LEPR: variants seen among roughly 807,000 people sequenced by gnomAD.
The protein encoded by LEPR is OB receptor.
A neutral mutation model predicts 114.7 loss-of-function variants in LEPR; 56 were observed. The observed-to-expected ratio is 0.49, with a 90% CI of 0.39 to 0.61. The LOEUF (loss-of-function observed/expected upper bound fraction) is 0.61, where lower values mean the gene tolerates loss of function less well. Among genes scored for constraint, LEPR ranks in the 20% least tolerant of loss-of-function variants. The pLI is 0.00. For synonymous variants in LEPR, 443 were observed against 461.4 expected, an observed-to-expected ratio of 0.96 and a Z score of 0.51; for missense variants, 1,202 against 1,352.9, an observed-to-expected ratio of 0.89 and a Z score of 1.75.
intron 2 of LEPR, among the ~76,000 whole-genome samples, chr1:65,476,874 G>A (rs1296505297): frequency 6.6e-6 from 1 of 152,204 alleles, no homozygotes; most frequent in Non-Finnish European, 1.5e-5. Context: ...AATGTAAGGT[G>A]CGAAGAAAAC....
intron 2 of LEPR, among the ~76,000 whole-genome samples, chr1:65,448,852 C>A (rs1366704259): frequency 6.6e-6 from 1 of 152,046 alleles, no homozygotes; most frequent in Non-Finnish European, 1.5e-5. Context: ...CGTTAGTGTC[C>A]GTGGGATCTG....
chr1:65,568,524 G>A lies in LEPR; in HGVS notation c.41-1949G>A, dbSNP rs1194905482. Among the ~76,000 whole-genome samples, 20 of 150,770 alleles carry A rather than the reference G, an allele frequency of 1.3e-4. No individual in the cohort carries two copies. In the Admixed American group the frequency reaches 1.3e-3, roughly 10 times the overall value. On this transcript the variant is annotated intron_variant, in intron 3 of 19. Coordinates refer to ENST00000349533, the MANE Select transcript of LEPR (RefSeq NM_002303.6). Reference sequence around the variant, plus strand: ...TGAGTGTGTGTGTGTGTGTGTGTGTGTGCATGTGCATGTGTGTGAATATGC... The same window carrying A: ...TGAGTGTGTGTGTGTGTGTGTGTGTATGCATGTGCATGTGTGTGAATATGC...
At chr1:65,590,610 G>GAT (rs34277936) in intron 5 of LEPR, among the ~76,000 whole-genome samples, 76,026 of 151,410 alleles carry the variant, frequency 0.5, 19,870 homozygotes, top group East Asian at 0.87. Context: ...CTTCCACCAT[G>GAT]ATTCTAAGTT....
At chr1:65,547,018 G>C (rs201407291) in intron 2 of LEPR, among the ~76,000 whole-genome samples, 32 of 151,776 alleles carry the variant, frequency 2.1e-4, no homozygotes, top group Non-Finnish European at 3.5e-4. Context: ...TAGCATGAAG[G>C]GTTGTTGAAT....
intron 2 of LEPR, among the ~76,000 whole-genome samples, chr1:65,485,263 A>C (rs1336185615): frequency 6.6e-6 from 1 of 152,192 alleles, no homozygotes; most frequent in Non-Finnish European, 1.5e-5. Context: ...CACGTTCATA[A>C]TTATGTTAAT....
At chr1:65,594,097 A>T (rs927781419) in intron 6 of LEPR, among the ~76,000 whole-genome samples, 2 of 152,074 alleles carry the variant, frequency 1.3e-5, no homozygotes, top group African/African-American at 4.8e-5. Flanking sequence ...CCATGAAAAA[A>T]ATAAAACTGG....
chr1:65,618,195 C>T, intron 16 of LEPR, 49 bp downstream of exon 16: 2 of 1,518,122 alleles, frequency 1.3e-6, no homozygotes, highest in Non-Finnish European at 9.0e-7. Flanking sequence ...TAATATGACA[C>T]TACAGATTAT....
intron 14 of LEPR, among the ~76,000 whole-genome samples, chr1:65,610,687 G>A (rs996425381): frequency 3.3e-5 from 5 of 152,084 alleles, no homozygotes; most frequent in Non-Finnish European, 7.4e-5. Flanking sequence ...CACACCCCAA[G>A]GGCATCTAAC....
chr1:65,497,570 T>C (rs1648229764), intron 2 of LEPR, among the ~76,000 whole-genome samples: 1 of 152,134 alleles, frequency 6.6e-6, no homozygotes, highest in Non-Finnish European at 1.5e-5. Context: ...GCAGGCTACC[T>C]CATCCCTTTG....
intron 2 of LEPR, among the ~76,000 whole-genome samples, chr1:65,541,852 A>C (rs999547116): frequency 6.6e-6 from 1 of 152,228 alleles, no homozygotes; most frequent in African/African-American, 2.4e-5. Context: ...TTTCTTACTC[A>C]TAAACTTTCC....
intron 2 of LEPR, among the ~76,000 whole-genome samples, chr1:65,548,422 A>G (rs1185080061): frequency 2.0e-5 from 3 of 152,070 alleles, no homozygotes; most frequent in African/African-American, 7.2e-5. Flanking sequence ...AAAGTCTCCC[A>G]TTATTATTGT....
intron 2 of LEPR, among the ~76,000 whole-genome samples, chr1:65,453,079 A>G (rs1401927135): frequency 6.6e-6 from 1 of 152,174 alleles, no homozygotes; most frequent in East Asian, 1.9e-4. Context: ...AGGTGTTTGT[A>G]GTATTCTCTG....
intron 5 of LEPR, among the ~76,000 whole-genome samples, chr1:65,592,369 T>G (rs1655761595): frequency 6.6e-6 from 1 of 151,864 alleles, no homozygotes; most frequent in Non-Finnish European, 1.5e-5. Flanking sequence ...ATTTCATCAT[T>G]ATTTTGAAAG....
chr1:65,469,746 G>A (rs1647059333), intron 2 of LEPR, among the ~76,000 whole-genome samples: 1 of 152,160 alleles, frequency 6.6e-6, no homozygotes, highest in Admixed American at 6.5e-5. Flanking sequence ...TTCCAGCTGG[G>A]CTAGGCTGGC....
intron 2 of LEPR, among the ~76,000 whole-genome samples, chr1:65,445,162 C>A (rs1192047273): frequency 6.6e-6 from 1 of 152,056 alleles, no homozygotes. Context: ...TACAGTTTAC[C>A]TTATCTATGG....
Position 65,633,855 on chromosome 1 carries a change from A to C in LEPR, c.2674-2336A>C. The C allele has an allele frequency of 1.0e-6, 1 of 985,250 alleles. No individual in the cohort carries two copies. The highest frequency in any genetic ancestry group is 1.7e-5 in the African/African-American group (1 of 57,364). 61.0% of individuals were successfully genotyped at this position (985,250 alleles called of 1,614,324 possible). A position where few individuals can be genotyped will look rare whatever the true frequency, so the allele number is the denominator to read the frequency against. ...CCGAAGTTGTGTTTGTGCTGCCCAC[A>C]GGACAGTGGGAGTTACAGTTCATAT... On this transcript the variant is annotated intron_variant, in intron 19 of 19. Coordinates refer to ENST00000349533, the MANE Select transcript of LEPR (RefSeq NM_002303.6). This position sits in a 1 kb window ranked among gnomAD's most constrained non-coding sequence, Gnocchi z 4.1.
intron 2 of LEPR, among the ~76,000 whole-genome samples, chr1:65,539,658 C>T (rs1651042079): frequency 6.6e-6 from 1 of 152,126 alleles, no homozygotes; most frequent in African/African-American, 2.4e-5. Context: ...ATACTTTGCT[C>T]GTGTTTGAGG....
At chr1:65,567,783 A>G (rs1041756356) in intron 3 of LEPR, among the ~76,000 whole-genome samples, 1 of 152,164 alleles carries the variant, frequency 6.6e-6, no homozygotes, top group Non-Finnish European at 1.5e-5. Flanking sequence ...GGTTCACAGC[A>G]AAATTGAGAG....
intron 5 of LEPR, among the ~76,000 whole-genome samples, chr1:65,591,280 G>C (rs1260741451): frequency 6.6e-6 from 1 of 152,034 alleles, no homozygotes; most frequent in Non-Finnish European, 1.5e-5. Flanking sequence ...TGCAAAGAAT[G>C]TGCATTCTGC....
Sources: allele counts gnomAD v4.1 joint callset (sites outside exome capture counted in the v4.1 genomes callset), GRCh38; gene constraint gnomAD v4.1.1; non-coding constraint Gnocchi (gnomAD v3.1); transcripts MANE v1.5; gene names NCBI Gene and HGNC (gene_info 2026-07-23, HGNC 2026-07-21).